Variants in GLP1R observed in about 807,000 individuals in gnomAD.
GLP1R encodes glucagon-like peptide 1 receptor.
In GLP1R, 32 loss-of-function variants were observed where a neutral mutation model predicts 68.4. The ratio of observed to expected loss-of-function variants is 0.47; its 90% confidence interval spans 0.35 to 0.63. The LOEUF is 0.63. Ranked by LOEUF, GLP1R falls within the 20% of genes least tolerant of loss-of-function variation. The pLI is 0.00. For missense variants in GLP1R, 502 were observed against 594.9 expected, an observed-to-expected ratio of 0.84 and a Z score of 1.62; for synonymous variants, 263 against 244.4, an observed-to-expected ratio of 1.08 and a Z score of -0.71.
chr6:39,086,146 C>G lies in GLP1R; in HGVS notation c.*73C>G. On this transcript the variant is annotated 3_prime_UTR_variant, in exon 13 of 13. Coordinates refer to ENST00000373256, the MANE Select transcript of GLP1R (RefSeq NM_002062.5). This position sits in a 1 kb window ranked among gnomAD's most constrained non-coding sequence, Gnocchi z 4.5. ...CCAATCCAGGTGGGAGAGACACTCC[C>G]AGGGACAAGGGAAGGAAGGGACACA... The G allele has an allele frequency of 8.8e-7, 1 of 1,139,104 alleles. No individual in the cohort carries two copies. Among genetic ancestry groups the G allele is most frequent in the Non-Finnish European group, 1.3e-6 (1 of 771,634 alleles). The allele number at this position is 1,139,104 out of a possible 1,614,324, so 70.6% of individuals were successfully genotyped here.
chr6:39,073,808 G>T (rs550645482), intron 7 of GLP1R, 39 bp downstream of exon 7: 2 of 1,592,394 alleles, frequency 1.3e-6, no homozygotes, highest in African/African-American at 1.3e-5. Flanking sequence ...CTGTGGCACG[G>T]GGGTGGGAGA....
chr6:39,060,379 G>A (rs1025445422), intron 3 of GLP1R, among the ~76,000 whole-genome samples: 1 of 152,176 alleles, frequency 6.6e-6, no homozygotes, highest in African/African-American at 2.4e-5. Flanking sequence ...TTAATGTTGG[G>A]GAGGGGTCAT....
chr6:39,085,595 C>T (rs968227384), intron 12 of GLP1R, among the ~76,000 whole-genome samples: 7 of 152,174 alleles, frequency 4.6e-5, no homozygotes, highest in African/African-American at 1.7e-4. Flanking sequence ...TTTCACCCTC[C>T]CTCTCATTCT....
chr6:39,061,385 C>T (rs1377771593), intron 3 of GLP1R, among the ~76,000 whole-genome samples: 1 of 152,206 alleles, frequency 6.6e-6, no homozygotes, highest in African/African-American at 2.4e-5. Context: ...GCCTCATTAG[C>T]TACACCTCCT....
intron 1 of GLP1R, among the ~76,000 whole-genome samples, chr6:39,050,078 C>T (rs978743002): frequency 2.6e-5 from 4 of 152,160 alleles, no homozygotes; most frequent in Non-Finnish European, 5.9e-5. Flanking sequence ...GATGCCAGCA[C>T]ATTTTTCAGC....
chr6:39,091,017 G>C lies in GLP1R; in HGVS notation c.*4944G>C, dbSNP rs1249382268. Among the ~76,000 whole-genome samples the C allele has an allele frequency of 1.3e-5, 2 of 152,130 alleles. No individual in the cohort carries two copies. The highest frequency in any genetic ancestry group is 2.9e-5 in the Non-Finnish European group (2 of 68,036). ...TCCAGCATCCCATCGGTTCTGGAGGGATTTGATGCAAACCTTTAAATGCAC... is the reference window on the plus strand; with the variant it reads ...TCCAGCATCCCATCGGTTCTGGAGGCATTTGATGCAAACCTTTAAATGCAC... On this transcript the variant is annotated 3_prime_UTR_variant, in exon 13 of 13. Transcript: ENST00000373256.
At chr6:39,066,574 T>C (rs1768525982) in intron 5 of GLP1R, among the ~76,000 whole-genome samples, 1 of 152,182 alleles carries the variant, frequency 6.6e-6, no homozygotes, top group Non-Finnish European at 1.5e-5. Context: ...CTCAAAACCT[T>C]AACCGTCGGT....
At chr6:39,050,795 G>A (rs372202625) in intron 1 of GLP1R, among the ~76,000 whole-genome samples, 1 of 152,178 alleles carries the variant, frequency 6.6e-6, no homozygotes, top group Non-Finnish European at 1.5e-5. Context: ...GTTGCTGATG[G>A]GGGAATGAAA....
intron 1 of GLP1R, among the ~76,000 whole-genome samples, chr6:39,052,871 G>A (rs191279891): frequency 1.3e-5 from 2 of 152,334 alleles, no homozygotes; most frequent in South Asian, 2.1e-4. Flanking sequence ...CATTAACAGA[G>A]CTGGGATTTA....
At chr6:39,078,247 G>T in intron 7 of GLP1R, 75 bp from the exon 8 acceptor site, 1 of 1,048,630 alleles carries the variant, frequency 9.5e-7, no homozygotes, top group Non-Finnish European at 1.5e-6. Context: ...CTTGGGGCAG[G>T]GAGAGGCCTC....
chr6:39,053,437 T>C (rs1405099816), intron 1 of GLP1R, among the ~76,000 whole-genome samples: 1 of 152,330 alleles, frequency 6.6e-6, no homozygotes, highest in South Asian at 2.1e-4. Context: ...TGAACATATA[T>C]TCATTTCCTC....
rs1363628296 is a variant in GLP1R, at chr6:39,088,044, G to A, written c.*1971G>A. Among the ~76,000 whole-genome samples, 1 of 152,182 alleles carries A rather than the reference G, an allele frequency of 6.6e-6. No individual in the cohort carries two copies. Among genetic ancestry groups the A allele is most frequent in the Non-Finnish European group, 1.5e-5 (1 of 68,036 alleles). ...AAAGAAACAGATTGATATAATCTGT[G>A]TGAAATAAATTGCTGAGGAGAGGGA... On this transcript the variant is annotated 3_prime_UTR_variant, in exon 13 of 13. Transcript: ENST00000373256.
Position 39,086,141 on chromosome 6 carries a change from A to T in GLP1R, c.*68A>T. 6.7e-6 allele frequency: 8 copies of T among 1,194,260 alleles called. No individual in the cohort carries two copies. The highest frequency in any genetic ancestry group is 9.8e-6 in the Non-Finnish European group (8 of 816,962). The allele number at this position is 1,194,260 out of a possible 1,614,324, so 74.0% of individuals were successfully genotyped here. ...GGTGGCCAATCCAGGTGGGAGAGAC[A>T]CTCCCAGGGACAAGGGAAGGAAGGG... On this transcript the variant is annotated 3_prime_UTR_variant, in exon 13 of 13. Coordinates refer to ENST00000373256, the MANE Select transcript of GLP1R (RefSeq NM_002062.5). This position sits in a 1 kb window ranked among gnomAD's most constrained non-coding sequence, Gnocchi z 4.5.
At chr6:39,062,872 T>G (rs1313717188) in intron 3 of GLP1R, among the ~76,000 whole-genome samples, 1 of 152,200 alleles carries the variant, frequency 6.6e-6, no homozygotes, top group East Asian at 1.9e-4. Flanking sequence ...GAAAGGTGGT[T>G]CTAATGTCCA....
In GLP1R at chr6:39,079,133, C is replaced by T. The variant is rs200118342; in HGVS notation, c.976C>T (p.Arg326Trp). ...AIGVNFLIFV[R>W]VICIVVSKLK... Reference sequence around the variant, plus strand: ...GCAGGTGAACTTCCTCATCTTTGTTCGGGTCATCTGCATCGTGGTATCCAA... The same window carrying T: ...GCAGGTGAACTTCCTCATCTTTGTTTGGGTCATCTGCATCGTGGTATCCAA... The change falls in exon 10 of 13, where the codon CGG (arginine) becomes TGG (tryptophan). Residue 326 changes from arginine to tryptophan, a missense_variant. By Grantham distance (101) the Arg-to-Trp change is moderately radical (BLOSUM62 -3). Coordinates refer to ENST00000373256, the MANE Select transcript of GLP1R (RefSeq NM_002062.5). The surrounding 1 kb of genome is among the most constrained non-coding windows in gnomAD (Gnocchi z 4.5). The T allele has an allele frequency of 2.9e-5, 47 of 1,613,912 alleles. No individual in the cohort carries two copies. Among genetic ancestry groups the T allele is most frequent in the Non-Finnish European group, 3.8e-5 (45 of 1,179,948 alleles).
chr6:39,074,000 T>C (rs1350656088), intron 7 of GLP1R, among the ~76,000 whole-genome samples: 1 of 152,136 alleles, frequency 6.6e-6, no homozygotes, highest in Non-Finnish European at 1.5e-5. Flanking sequence ...CTCCACCGCA[T>C]GTGGCCAAAC....
Position 39,079,284 on chromosome 6 carries a change from A to G in GLP1R, c.1043+84A>G, listed in dbSNP as rs1768925356. On this transcript the variant is annotated intron_variant, in intron 10 of 12. Transcript: ENST00000373256. This position sits in a 1 kb window ranked among gnomAD's most constrained non-coding sequence, Gnocchi z 4.5. ...CAGAGAGAGAGAGAGAGATCCTGGGATGCTTAGCTTAGAGCCCTACACTAC... is the reference window on the plus strand; with the variant it reads ...CAGAGAGAGAGAGAGAGATCCTGGGGTGCTTAGCTTAGAGCCCTACACTAC... The G allele has an allele frequency of 5.6e-6, 6 of 1,063,800 alleles. No homozygotes were observed. The South Asian group carries it at 6.3e-5, about 11-fold the overall frequency. 65.9% of individuals were successfully genotyped at this position (1,063,800 alleles called of 1,614,324 possible). A position where few individuals can be genotyped will look rare whatever the true frequency, so the allele number is the denominator to read the frequency against.
chr6:39,068,990 C>A (rs892084952), intron 5 of GLP1R, among the ~76,000 whole-genome samples: 4 of 152,210 alleles, frequency 2.6e-5, no homozygotes, highest in African/African-American at 9.6e-5. Flanking sequence ...TTTTCCAAAT[C>A]TTTAAGTTCT....
intron 3 of GLP1R, among the ~76,000 whole-genome samples, chr6:39,064,131 G>C (rs565151155): frequency 1.3e-5 from 2 of 151,766 alleles, no homozygotes; most frequent in South Asian, 4.2e-4. Flanking sequence ...AGCTTCCTGA[G>C]TAGCTGGGAC....
Sources: gnomAD v4.1 joint callset for allele counts (sites outside exome capture counted in the v4.1 genomes callset) on GRCh38, gnomAD v4.1.1 for gene constraint, Gnocchi (gnomAD v3.1) non-coding constraint, MANE v1.5 for transcripts, NCBI Gene and HGNC (gene_info 2026-07-23, HGNC 2026-07-21) for gene names.